The following MAP4K5 variants were observed in gnomAD, a reference collection of about 807,000 sequenced individuals.
MAP4K5 encodes mitogen-activated protein kinase kinase kinase kinase 5, also known as MAPK/ERK kinase kinase kinase 5.
A neutral mutation model predicts 135.6 loss-of-function variants in MAP4K5; 82 were observed. The observed-to-expected ratio is 0.60, with a 90% CI of 0.51 to 0.73. MAP4K5 has a LOEUF of 0.73. Ranked by LOEUF, MAP4K5 falls within the 30% of genes least tolerant of loss-of-function variation. MAP4K5 has a pLI of 0.00. For missense variants in MAP4K5, 907 were observed against 1,010.9 expected, an observed-to-expected ratio of 0.90 and a Z score of 1.39; for synonymous variants, 347 against 335.0, an observed-to-expected ratio of 1.04 and a Z score of -0.39.
intron 21 of MAP4K5, among the ~76,000 whole-genome samples, chr14:50,441,328 C>A (rs935262286): frequency 2.0e-5 from 3 of 152,110 alleles, no homozygotes; most frequent in African/African-American, 7.2e-5. Flanking sequence ...CTTTAACCAA[C>A]AGATCGATAT....
chr14:50,444,957 T>C, intron 18 of MAP4K5, 84 bp downstream of exon 18: 1 of 1,390,608 alleles, frequency 7.2e-7, no homozygotes, highest in Non-Finnish European at 9.8e-7. Flanking sequence ...ATGACTCTCA[T>C]TTCAGTTTTC....
intron 14 of MAP4K5, among the ~76,000 whole-genome samples, chr14:50,453,853 G>C (rs943892917): frequency 6.6e-6 from 1 of 151,970 alleles, no homozygotes; most frequent in East Asian, 1.9e-4. Context: ...GGTTCCTCTG[G>C]TGTGTGTTCT....
chr14:50,499,223 G>GA (rs2037656203), intron 3 of MAP4K5, among the ~76,000 whole-genome samples: 1 of 151,982 alleles, frequency 6.6e-6, no homozygotes, highest in South Asian at 2.1e-4. Context: ...TCAGGGATAT[G>GA]AAAGGGGGAA....
Position 50,425,892 on chromosome 14 carries a change from T to A in MAP4K5, c.2397+15A>T, listed in dbSNP as rs768330120. The stretch of plus-strand genomic sequence containing the variant: ...TGTTAGTGGGAGTCAGTGGAGGTAA[T>A]CTGAGAAGGCTTACCTCATCTGACT... On this transcript the variant is annotated intron_variant, in intron 31 of 32. Transcript: ENST00000682126. 1 of 1,590,210 alleles carries A rather than the reference T, an allele frequency of 6.3e-7. No individual in the cohort carries two copies. The highest frequency in any genetic ancestry group is 1.1e-5 in the South Asian group (1 of 89,148).
intron 30 of MAP4K5, among the ~76,000 whole-genome samples, chr14:50,426,310 A>C (rs1336452700): frequency 6.6e-6 from 1 of 152,210 alleles, no homozygotes; most frequent in Admixed American, 6.5e-5. Flanking sequence ...AATCATAAAA[A>C]CATATATAAC....
intron 2 of MAP4K5, among the ~76,000 whole-genome samples, chr14:50,516,545 C>CT (rs2038037653): frequency 1.3e-5 from 2 of 152,090 alleles, no homozygotes; most frequent in Non-Finnish European, 2.9e-5. Flanking sequence ...ATTAGCCACA[C>CT]TTATGGAATA....
chr14:50,422,636 T>G (rs956014517), intron 32 of MAP4K5, among the ~76,000 whole-genome samples: 2 of 152,092 alleles, frequency 1.3e-5, no homozygotes, highest in Non-Finnish European at 2.9e-5. Flanking sequence ...CTACAGCTAC[T>G]ACATTTTTTT....
In MAP4K5 at chr14:50,544,936, CAAAAAAAAAA is replaced by C. The variant is rs35420627; in HGVS notation, c.-179-2362_-179-2353del. On this transcript the variant is annotated intron_variant, in intron 1 of 8. Transcript: ENST00000555216. ...TGAGTGACAGAGTGAGACCCACTCT[CAAAAAAAAAA>C]AAAAAAAAAAAAAAAAGAAGCCAAC... Among the ~76,000 whole-genome samples, 15 of 58,476 alleles carry C rather than the reference CAAAAAAAAAA, an allele frequency of 2.6e-4. No individual in the cohort carries two copies. The East Asian group carries it at 8.0e-3, about 31-fold the overall frequency. The allele number at this position is 58,476 out of a possible 152,430, so 38.4% of individuals were successfully genotyped here.
Position 50,482,372 on chromosome 14 carries a change from C to A in MAP4K5, c.367G>T (p.Glu123Ter). ...SELQIAYVCR[E>*]TLQGLAYLHT... ...AGAAAATATAGTACCTGTAAGGTTT[C>A]TCTGCATACATAGGCTATTTGCAAT... is the stretch of plus-strand genomic sequence containing the variant. The change falls in exon 6 of 33, where the codon GAA becomes TAA. Residue 123 changes from glutamate to a stop codon, truncating the protein, a stop_gained. Coordinates refer to ENST00000682126, the MANE Select transcript of MAP4K5 (RefSeq NM_006575.6). LOFTEE classifies it high-confidence loss of function. 1 of 1,519,328 alleles carries A rather than the reference C, an allele frequency of 6.6e-7. No individual in the cohort carries two copies. Among genetic ancestry groups the A allele is most frequent in the Non-Finnish European group, 8.8e-7 (1 of 1,135,710 alleles). The allele number at this position is 1,519,328 out of a possible 1,614,324, so 94.1% of individuals were successfully genotyped here.
intron 20 of MAP4K5, among the ~76,000 whole-genome samples, chr14:50,443,415 T>C (rs2036271591): frequency 6.6e-6 from 1 of 152,066 alleles, no homozygotes; most frequent in African/African-American, 2.4e-5. Flanking sequence ...TGAAAATCAC[T>C]TTAGAGGTAG....
chr14:50,511,388 A>G (rs138396901), intron 2 of MAP4K5, among the ~76,000 whole-genome samples: 43 of 152,250 alleles, frequency 2.8e-4, no homozygotes, highest in African/African-American at 1.0e-3. Flanking sequence ...TAGAACAGAG[A>G]ATACTAGAGG....
intron 1 of MAP4K5, among the ~76,000 whole-genome samples, chr14:50,551,208 C>A (rs886285915): frequency 2.6e-5 from 4 of 151,984 alleles, no homozygotes; most frequent in African/African-American, 7.3e-5. Context: ...ATAACTGATA[C>A]TACAGAAATA....
chr14:50,484,834 G>A (rs1291895640), intron 5 of MAP4K5, among the ~76,000 whole-genome samples: 1 of 151,990 alleles, frequency 6.6e-6, no homozygotes, highest in African/African-American at 2.4e-5. Flanking sequence ...AATTTGGTAA[G>A]GTTTCCAATA....
chr14:50,428,835 G>A, intron 29 of MAP4K5, 81 bp from the exon 30 acceptor site: 4 of 719,602 alleles, frequency 5.6e-6, no homozygotes, highest in African/African-American at 1.8e-5. Flanking sequence ...GATTTTACAT[G>A]GATATCAAAT....
intron 5 of MAP4K5, among the ~76,000 whole-genome samples, chr14:50,483,611 G>T (rs1403778394): frequency 3.3e-5 from 5 of 149,554 alleles, no homozygotes; most frequent in African/African-American, 1.2e-4. Flanking sequence ...ACCGGGATGG[G>T]TACTTCTTAG....
chr14:50,469,213 A>C (rs979278912), intron 9 of MAP4K5, among the ~76,000 whole-genome samples: 6 of 152,214 alleles, frequency 3.9e-5, no homozygotes, highest in African/African-American at 1.4e-4. Context: ...CTGACAGGAC[A>C]GTGCTCAATG....
At chr14:50,498,675 T>C in intron 3 of MAP4K5, among the ~76,000 whole-genome samples, 1 of 152,232 alleles carries the variant, frequency 6.6e-6, no homozygotes, top group African/African-American at 2.4e-5. Context: ...AAAATTACTA[T>C]AAACTTTAAT....
At chr14:50,502,709 A>C (rs138267650) in intron 3 of MAP4K5, among the ~76,000 whole-genome samples, 45 of 152,252 alleles carry the variant, frequency 3.0e-4, no homozygotes, top group African/African-American at 1.1e-3. Flanking sequence ...AATCAAAACC[A>C]GGATAGTGTT....
intron 2 of MAP4K5, among the ~76,000 whole-genome samples, chr14:50,515,973 T>C (rs1176529037): frequency 6.6e-6 from 1 of 152,184 alleles, no homozygotes; most frequent in African/African-American, 2.4e-5. Context: ...ACTTTTTCAT[T>C]CCCACATCTT....
Sources: gnomAD v4.1 joint callset for allele counts (sites outside exome capture counted in the v4.1 genomes callset) on GRCh38, gnomAD v4.1.1 for gene constraint, MANE v1.5 for transcripts, NCBI Gene and HGNC (gene_info 2026-07-23, HGNC 2026-07-21) for gene names.